EXOC4: variants seen among roughly 807,000 people sequenced by gnomAD.
EXOC4 encodes the protein exocyst complex component 4, also known as SEC8-like 1.
In EXOC4, 71 loss-of-function variants were observed where a neutral mutation model predicts 107.2. The observed-to-expected ratio is 0.66, with a 90% CI of 0.55 to 0.81. The LOEUF (loss-of-function observed/expected upper bound fraction) is 0.81, where lower values mean the gene tolerates loss of function less well. Ranked by LOEUF, EXOC4 falls within the 30% of genes least tolerant of loss-of-function variation. EXOC4 has a pLI of 0.00. For missense variants in EXOC4, 1,108 were observed against 1,189.6 expected (o/e 0.93, Z 1.01); for synonymous variants, 456 against 441.2 (o/e 1.03, Z -0.42).
downstream of EXOC4, among the ~76,000 whole-genome samples, chr7:134,069,623 A>C (rs10243168): frequency 1.3e-5 from 2 of 152,048 alleles, no homozygotes; most frequent in Non-Finnish European, 2.9e-5. Context: ...TCTGCCTCTC[A>C]AGTAGCTGGA....
At chr7:133,313,452 T>G (rs1794921886) in intron 4 of EXOC4, among the ~76,000 whole-genome samples, 1 of 152,230 alleles carries the variant, frequency 6.6e-6, no homozygotes, top group Non-Finnish European at 1.5e-5. Context: ...ACAAGTACTG[T>G]GCCAGCTGTT....
At chr7:133,642,879 G>A (rs1042700502) in intron 10 of EXOC4, among the ~76,000 whole-genome samples, 3 of 152,036 alleles carry the variant, frequency 2.0e-5, no homozygotes, top group African/African-American at 7.2e-5. Flanking sequence ...TACCAAAAAT[G>A]CATCTACCAA....
intron 10 of EXOC4, among the ~76,000 whole-genome samples, chr7:133,637,004 C>T (rs544632562): frequency 1.1e-4 from 16 of 152,090 alleles, no homozygotes; most frequent in African/African-American, 2.7e-4. Flanking sequence ...ATGTAGAAAT[C>T]GCCATATTGC....
At chr7:133,530,924 C>T (rs553956107) in intron 9 of EXOC4, among the ~76,000 whole-genome samples, 1 of 152,236 alleles carries the variant, frequency 6.6e-6, no homozygotes, top group East Asian at 1.9e-4. Context: ...AACTGCATAA[C>T]CTTGAATGTA....
At chr7:134,074,527 G>A in the EXOC4 span, among the ~76,000 whole-genome samples, 4 of 152,216 alleles carry the variant, frequency 2.6e-5, no homozygotes, top group Non-Finnish European at 5.9e-5. Flanking sequence ...GATAGAACCT[G>A]AGAGAGCTTC....
downstream of EXOC4, among the ~76,000 whole-genome samples, chr7:134,067,171 A>T (rs945557325): frequency 7.7e-5 from 10 of 130,122 alleles, no homozygotes; most frequent in African/African-American, 2.9e-4. Flanking sequence ...AAAAAAAAAA[A>T]AAAGGCCAAC....
chr7:133,814,206 T>C (rs1168666763), intron 10 of EXOC4, among the ~76,000 whole-genome samples: 1 of 152,176 alleles, frequency 6.6e-6, no homozygotes, highest in African/African-American at 2.4e-5. Context: ...GATGTCTTTA[T>C]GCTAAAATAA....
At chr7:133,914,468 A>G (rs1799761764) in intron 12 of EXOC4, among the ~76,000 whole-genome samples, 1 of 152,130 alleles carries the variant, frequency 6.6e-6, no homozygotes, top group African/African-American at 2.4e-5. Context: ...TTCATTCATG[A>G]ATGGAACCAA....
chr7:134,082,995 G>A, the EXOC4 span, among the ~76,000 whole-genome samples: 1 of 152,192 alleles, frequency 6.6e-6, no homozygotes, highest in African/African-American at 2.4e-5. Context: ...GAGGGGACAG[G>A]GAGTAAGCAC....
intron 17 of EXOC4, among the ~76,000 whole-genome samples, chr7:134,031,766 C>T (rs545288926): frequency 6.6e-5 from 10 of 152,332 alleles, no homozygotes; most frequent in African/African-American, 2.4e-4. Context: ...GAATCTAAGA[C>T]TCCATTATAA....
At chr7:133,327,165 C>T (rs988566573) in intron 5 of EXOC4, among the ~76,000 whole-genome samples, 4 of 152,292 alleles carry the variant, frequency 2.6e-5, no homozygotes, top group South Asian at 2.1e-4. Flanking sequence ...CCGAGTGAGG[C>T]GATGCTTCGC....
chr7:133,808,403 T>G (rs1053980717), intron 10 of EXOC4, among the ~76,000 whole-genome samples: 34 of 152,314 alleles, frequency 2.2e-4, no homozygotes, highest in African/African-American at 7.7e-4. Flanking sequence ...AATGAGTCCC[T>G]TGTAAATCAT....
chr7:133,984,207 C>G (rs1300386933), intron 14 of EXOC4, among the ~76,000 whole-genome samples: 1 of 152,210 alleles, frequency 6.6e-6, no homozygotes, highest in African/African-American at 2.4e-5. Flanking sequence ...GCAATTTTCT[C>G]TCTGCAGAGC....
At chr7:133,317,162 G>T in intron 4 of EXOC4, 122 bp from the exon 5 acceptor site, 1 of 677,972 alleles carries the variant, frequency 1.5e-6, no homozygotes. Context: ...ATACTGGGGA[G>T]ATCCAGTTCC....
chr7:133,920,170 G>C (rs1343208950), intron 13 of EXOC4, among the ~76,000 whole-genome samples: 2 of 152,144 alleles, frequency 1.3e-5, no homozygotes, highest in African/African-American at 4.8e-5. Flanking sequence ...GCTATTTGCT[G>C]TCTCTATATC....
intron 6 of EXOC4, among the ~76,000 whole-genome samples, chr7:133,368,353 A>G (rs1796291127): frequency 6.6e-6 from 1 of 152,190 alleles, no homozygotes. Context: ...TTTTATTAGA[A>G]TGATACAGAA....
intron 9 of EXOC4, among the ~76,000 whole-genome samples, chr7:133,516,607 T>C (rs1342356497): frequency 6.6e-6 from 1 of 152,074 alleles, no homozygotes; most frequent in African/African-American, 2.4e-5. Flanking sequence ...TTTTCCAATT[T>C]TTGGGTACTA....
At chr7:133,279,824 G>T (rs1392952059) in intron 2 of EXOC4, among the ~76,000 whole-genome samples, 1 of 152,046 alleles carries the variant, frequency 6.6e-6, no homozygotes, top group Non-Finnish European at 1.5e-5. Context: ...TGGCCTACAT[G>T]TCTCATTTTT....
chr7:134,025,210 A>C (rs1488285749), intron 17 of EXOC4, among the ~76,000 whole-genome samples: 1 of 152,174 alleles, frequency 6.6e-6, no homozygotes, highest in Non-Finnish European at 1.5e-5. Context: ...GTCCACAGTG[A>C]AGTTTGGAGT....
Sources: allele counts gnomAD v4.1 joint callset (sites outside exome capture counted in the v4.1 genomes callset), GRCh38; gene constraint gnomAD v4.1.1; transcripts MANE v1.5; gene names NCBI Gene and HGNC (gene_info 2026-07-23, HGNC 2026-07-21).